Variants in NKD1 observed in about 807,000 individuals in gnomAD.
The protein encoded by NKD1 is NKD inhibitor of Wnt signaling pathway 1, also known as protein naked cuticle homolog 1.
A neutral mutation model predicts 56.0 loss-of-function variants in NKD1; 21 were observed. That is an observed-to-expected ratio of 0.38 (90% CI 0.27 to 0.54). The LOEUF (loss-of-function observed/expected upper bound fraction) is 0.54. NKD1 is among the 20% of genes least tolerant of loss of function. The pLI, the probability that NKD1 is intolerant of heterozygous loss-of-function variation, is 0.82. For synonymous variants in NKD1, 263 were observed against 265.7 expected, an observed-to-expected ratio of 0.99 and a Z score of 0.10; for missense variants, 578 against 642.7, an observed-to-expected ratio of 0.90 and a Z score of 1.09.
rs1054706898 is a variant in NKD1 at position 50,598,265 on chromosome 16, G to A, written c.193-10029G>A. Among the ~76,000 whole-genome samples, 9 of 151,876 alleles carry A rather than the reference G, an allele frequency of 5.9e-5. No homozygotes were observed. Among genetic ancestry groups the A allele is most frequent in the African/African-American group, 9.7e-5 (4 of 41,270 alleles). On this transcript the variant is annotated intron_variant, in intron 3 of 9. Transcript: ENST00000268459. The surrounding 1 kb of genome is among the most constrained non-coding windows in gnomAD (Gnocchi z 4.2). ...TGTGTGTGTGTGTGTGTGTGTGTGC[G>A]CGCACACCTGTGCTCATGGACACTC... is the stretch of plus-strand genomic sequence containing the variant.
In NKD1 at chr16:50,634,448, C is replaced by T. The variant is rs534747297; in HGVS notation, c.*667C>T. The T allele has an allele frequency of 6.6e-6, 1 of 152,398 alleles. No homozygotes were observed. Among genetic ancestry groups the T allele is most frequent in the Non-Finnish European group, 1.5e-5 (1 of 68,044 alleles). 9.4% of individuals were successfully genotyped at this position (152,398 alleles called of 1,614,324 possible). On this transcript the variant is annotated 3_prime_UTR_variant, in exon 10 of 10. Coordinates refer to ENST00000268459, the MANE Select transcript of NKD1 (RefSeq NM_033119.5). ...ACATGAAAATCCACTTCTCTTCCTT[C>T]TCCTTCTTCTCTCTCTACTTTACAG... is the stretch of plus-strand genomic sequence containing the variant.
intron 3 of NKD1, among the ~76,000 whole-genome samples, chr16:50,605,734 A>G (rs78479399): frequency 0.014 from 2,159 of 152,320 alleles, 64 homozygotes; most frequent in African/African-American, 0.049. Context: ...TTGAGCATCT[A>G]CAGATTTTGA....
In NKD1 at chr16:50,598,262, T is replaced by TGTGTGTGCGCGCGCGCGC. The variant is rs138964473; in HGVS notation, c.193-10031_193-10030insTGTGTGCGCGCGCGCGCG. ...GTGTGTGTGTGTGTGTGTGTGTGTG[T>TGTGTGTGCGCGCGCGCGC]GCGCGCACACCTGTGCTCATGGACA... is the stretch of plus-strand genomic sequence containing the variant. On this transcript the variant is annotated intron_variant, in intron 3 of 9. Coordinates refer to ENST00000268459, the MANE Select transcript of NKD1 (RefSeq NM_033119.5). This position sits in a 1 kb window ranked among gnomAD's most constrained non-coding sequence, Gnocchi z 4.2. Among the ~76,000 whole-genome samples the TGTGTGTGCGCGCGCGCGC allele has an allele frequency of 1.3e-5, 2 of 148,572 alleles. No individual in the cohort carries two copies. Among genetic ancestry groups the TGTGTGTGCGCGCGCGCGC allele is most frequent in the African/African-American group, 5.1e-5 (2 of 39,058 alleles).
chr16:50,561,968 A>C (rs968281221), intron 3 of NKD1, among the ~76,000 whole-genome samples: 4 of 152,186 alleles, frequency 2.6e-5, no homozygotes, highest in African/African-American at 9.7e-5. Flanking sequence ...TGTCTTGGTG[A>C]AGTGACAGCA....
chr16:50,565,377 A>C (rs1960736602), intron 3 of NKD1, among the ~76,000 whole-genome samples: 1 of 151,120 alleles, frequency 6.6e-6, no homozygotes, highest in South Asian at 2.1e-4. Context: ...GTCTCAAAAA[A>C]AAAAAAAAGG....
chr16:50,554,280 C>G (rs1960452326), intron 3 of NKD1, among the ~76,000 whole-genome samples: 1 of 152,106 alleles, frequency 6.6e-6, no homozygotes, highest in Admixed American at 6.6e-5. Context: ...CTCTGCTCGC[C>G]CAGTGGGGAT....
intron 3 of NKD1, among the ~76,000 whole-genome samples, chr16:50,594,354 A>T (rs1314592047): frequency 6.6e-6 from 1 of 151,866 alleles, no homozygotes; most frequent in Non-Finnish European, 1.5e-5. Context: ...TGGCCTGCCT[A>T]CTCCCTGTGA....
At chr16:50,580,081 A>C (rs1961084970) in intron 3 of NKD1, among the ~76,000 whole-genome samples, 1 of 151,852 alleles carries the variant, frequency 6.6e-6, no homozygotes, top group Non-Finnish European at 1.5e-5. Flanking sequence ...CTACACATGC[A>C]CTCTAACCCA....
chr16:50,593,415 T>G (rs117291617), intron 3 of NKD1, among the ~76,000 whole-genome samples: 2,628 of 152,324 alleles, frequency 0.017, 30 homozygotes, highest in Middle Eastern at 0.027. Context: ...TTCCTGGGTA[T>G]TAGCTTTTTT....
chr16:50,560,837 T>A (rs930421531), intron 3 of NKD1, among the ~76,000 whole-genome samples: 4 of 151,762 alleles, frequency 2.6e-5, no homozygotes, highest in Non-Finnish European at 5.9e-5. Context: ...TATCTATCTA[T>A]CTATCTATCT....
chr16:50,628,412 G>C (rs960115578), intron 6 of NKD1, among the ~76,000 whole-genome samples: 4 of 152,328 alleles, frequency 2.6e-5, no homozygotes, highest in Non-Finnish European at 4.4e-5. Flanking sequence ...TTCAGCCTGT[G>C]GGACTTACAG....
At chr16:50,577,584 C>T (rs1432191021) in intron 3 of NKD1, among the ~76,000 whole-genome samples, 1 of 152,172 alleles carries the variant, frequency 6.6e-6, no homozygotes, top group African/African-American at 2.4e-5. Flanking sequence ...GCTATAGGCA[C>T]GATGCTGTGC....
chr16:50,548,838 C>A, intron 2 of NKD1, 89 bp downstream of exon 2: 3 of 1,273,398 alleles, frequency 2.4e-6, no homozygotes, highest in Non-Finnish European at 3.0e-6. Context: ...GGTCTTATGA[C>A]CAGGGCCACC....
At chr16:50,605,763 G>A (rs1382341710) in intron 3 of NKD1, among the ~76,000 whole-genome samples, 1 of 152,174 alleles carries the variant, frequency 6.6e-6, no homozygotes, top group Non-Finnish European at 1.5e-5. Flanking sequence ...GGGAGTTTTG[G>A]AACCAGTCGC....
chr16:50,576,446 A>G (rs757293389), intron 3 of NKD1, among the ~76,000 whole-genome samples: 13 of 152,226 alleles, frequency 8.5e-5, no homozygotes, highest in Non-Finnish European at 1.5e-4. Context: ...CCAGATTGCT[A>G]TGATCAAATG....
intron 2 of NKD1, 125 bp downstream of exon 2, chr16:50,548,874 C>T (rs1960301695): frequency 6.2e-6 from 7 of 1,135,842 alleles, no homozygotes; most frequent in Non-Finnish European, 8.0e-6. Flanking sequence ...CGGCCACCGG[C>T]CCCCCAAGCC....
chr16:50,598,068 G>A lies in NKD1; in HGVS notation c.193-10226G>A, dbSNP rs1324570793. Reference sequence around the variant, plus strand: ...CAAGTGGGCGGTCTGGCCTGTGAGAGGGATGGTGACAAGTTTCTTAGAGCT... The same window carrying A: ...CAAGTGGGCGGTCTGGCCTGTGAGAAGGATGGTGACAAGTTTCTTAGAGCT... On this transcript the variant is annotated intron_variant, in intron 3 of 9. Coordinates refer to ENST00000268459, the MANE Select transcript of NKD1 (RefSeq NM_033119.5). This position sits in a 1 kb window ranked among gnomAD's most constrained non-coding sequence, Gnocchi z 4.2. Among the ~76,000 whole-genome samples, 1 of 152,140 alleles carries A rather than the reference G, an allele frequency of 6.6e-6. No homozygotes were observed. The highest frequency in any genetic ancestry group is 2.4e-5 in the African/African-American group (1 of 41,436).
At chr16:50,570,577 T>C (rs939836735) in intron 3 of NKD1, among the ~76,000 whole-genome samples, 1 of 152,218 alleles carries the variant, frequency 6.6e-6, no homozygotes, top group African/African-American at 2.4e-5. Flanking sequence ...TGTTTCTTCA[T>C]CTGTAAAATG....
At chr16:50,587,318 T>A (rs1295834639) in intron 3 of NKD1, among the ~76,000 whole-genome samples, 1 of 152,238 alleles carries the variant, frequency 6.6e-6, no homozygotes, top group Non-Finnish European at 1.5e-5. Context: ...GTCCACACTT[T>A]GAATCGCAAG....
Sources: allele counts gnomAD v4.1 joint callset (sites outside exome capture counted in the v4.1 genomes callset), GRCh38; gene constraint gnomAD v4.1.1; non-coding constraint Gnocchi (gnomAD v3.1); transcripts MANE v1.5; gene names NCBI Gene and HGNC (gene_info 2026-07-23, HGNC 2026-07-21).